TAOK1: variants seen among roughly 807,000 people sequenced by gnomAD.
The protein encoded by TAOK1 is serine/threonine-protein kinase TAO1.
In TAOK1, 21 loss-of-function variants were observed where a neutral mutation model predicts 138.3. The ratio of observed to expected loss-of-function variants is 0.15; its 90% CI spans 0.11 to 0.22. The LOEUF (loss-of-function observed/expected upper bound fraction) is 0.22. TAOK1 is among the 10% of genes least tolerant of loss of function. The pLI, the probability that TAOK1 is intolerant of heterozygous loss-of-function variation, is 1.00. For missense variants in TAOK1, 651 were observed against 1,227.7 expected (o/e 0.53, Z 7.02); for synonymous variants, 361 against 398.4 (o/e 0.91, Z 1.12).
At chr17:29,527,013 C>G (rs2032023470) in intron 17 of TAOK1, among the ~76,000 whole-genome samples, 1 of 152,032 alleles carries the variant, frequency 6.6e-6, no homozygotes. Flanking sequence ...GTAGTCCCAG[C>G]TACGCAGGAG....
At chr17:29,464,356 A>G in intron 2 of TAOK1, among the ~76,000 whole-genome samples, 1 of 151,346 alleles carries the variant, frequency 6.6e-6, no homozygotes, top group Non-Finnish European at 1.5e-5. Flanking sequence ...AGGCAGGAGA[A>G]TGGCATGAAC....
chr17:29,393,010 A>G (rs920343024), intron 1 of TAOK1, among the ~76,000 whole-genome samples: 2 of 152,116 alleles, frequency 1.3e-5, no homozygotes, highest in African/African-American at 2.4e-5. Context: ...TTCTCAGAAG[A>G]TGGAATTCTC....
chr17:29,508,693 T>C (rs1269595628), intron 14 of TAOK1, among the ~76,000 whole-genome samples: 2 of 152,170 alleles, frequency 1.3e-5, no homozygotes, highest in Admixed American at 6.6e-5. Context: ...CATTTTAATA[T>C]CAGAATGATT....
chr17:29,507,510 T>C (rs2031649489), intron 13 of TAOK1, among the ~76,000 whole-genome samples: 1 of 152,192 alleles, frequency 6.6e-6, no homozygotes, highest in South Asian at 2.1e-4. Flanking sequence ...CTAAAAACAC[T>C]ATCCTCTGAA....
intron 3 of TAOK1, among the ~76,000 whole-genome samples, chr17:29,469,954 G>A (rs576673403): frequency 6.6e-6 from 1 of 152,170 alleles, no homozygotes; most frequent in South Asian, 2.1e-4. Flanking sequence ...GCTGTGTTCT[G>A]TTAAGGCCTT....
chr17:29,534,985 C>T (rs2032199028), intron 19 of TAOK1, among the ~76,000 whole-genome samples: 3 of 148,058 alleles, frequency 2.0e-5, no homozygotes, highest in African/African-American at 5.1e-5. Context: ...GGGCGATGGA[C>T]AGAAGATTTT....
chr17:29,488,605 A>G (rs2031229734), intron 8 of TAOK1, among the ~76,000 whole-genome samples: 1 of 148,358 alleles, frequency 6.7e-6, no homozygotes, highest in Non-Finnish European at 1.5e-5. Flanking sequence ...AATAATAATA[A>G]TAATTGTTAA....
chr17:29,457,089 C>CTTTTTTTTTTTTTTTTTTTTTTTTTT (rs548221652), intron 2 of TAOK1, among the ~76,000 whole-genome samples: 1 of 107,408 alleles, frequency 9.3e-6, no homozygotes, highest in Non-Finnish European at 1.9e-5. Context: ...TTTTCTTTTT[C>CTTTTTTTTTTTTTTTTTTTTTTTTTT]TTTTTTTTTT....
rs1222998032 is a variant in TAOK1, at chr17:29,548,332, G to A, written c.*5310G>A. The stretch of plus-strand genomic sequence containing the variant: ...AAATAAAGGCAGAGAATTAAAACTG[G>A]GGAGCCATTTACTATGTCACCATCA... On this transcript the variant is annotated 3_prime_UTR_variant, in exon 20 of 20. Coordinates refer to ENST00000261716, the MANE Select transcript of TAOK1 (RefSeq NM_020791.4). 1 of 151,986 alleles carries A rather than the reference G, an allele frequency of 6.6e-6. No individual in the cohort carries two copies. Among genetic ancestry groups the A allele is most frequent in the African/African-American group, 2.4e-5 (1 of 41,402 alleles). The allele number at this position is 151,986 out of a possible 1,614,324, so 9.4% of individuals were successfully genotyped here.
chr17:29,419,379 A>G (rs1905357768), intron 1 of TAOK1, among the ~76,000 whole-genome samples: 1 of 151,992 alleles, frequency 6.6e-6, no homozygotes, highest in South Asian at 2.1e-4. Context: ...TATTTTTAAT[A>G]GAGACGGGGT....
rs2032472129 is a variant in TAOK1, at chr17:29,550,496, T to C, written c.*7474T>C. On this transcript the variant is annotated 3_prime_UTR_variant, in exon 20 of 20. Coordinates refer to ENST00000261716, the MANE Select transcript of TAOK1 (RefSeq NM_020791.4). ...CTTTCAGAACCCCCTTGTTTTAGTA[T>C]ATGAAAAAGCCTAATGCGCATTAAT... The C allele has an allele frequency of 6.6e-6, 1 of 152,182 alleles. No homozygotes were observed. 9.4% of individuals were successfully genotyped at this position (152,182 alleles called of 1,614,324 possible).
chr17:29,448,478 A>G (rs538977010), intron 1 of TAOK1, among the ~76,000 whole-genome samples: 64 of 152,192 alleles, frequency 4.2e-4, no homozygotes, highest in African/African-American at 1.5e-3. Context: ...ATAGACATAC[A>G]TGGGTTTGTT....
intron 16 of TAOK1, 120 bp from the exon 17 acceptor site, chr17:29,522,160 C>T: frequency 1.5e-6 from 2 of 1,292,664 alleles, no homozygotes; most frequent in Non-Finnish European, 2.1e-6. Flanking sequence ...ATTTACTATG[C>T]AACTATAATT....
rs577697923 is a variant in TAOK1 at position 29,423,588 on chromosome 17, A to G, written c.-94-27867A>G. On this transcript the variant is annotated intron_variant, in intron 1 of 19. Transcript: ENST00000261716. ...GTATTTCAATTCAGAATATTTTCCA[A>G]TTTCACTTTTATATTTCTCTATGAC... is the stretch of plus-strand genomic sequence containing the variant. Among the ~76,000 whole-genome samples, 53 of 152,050 alleles carry G rather than the reference A, an allele frequency of 3.5e-4. No homozygotes were observed. In the South Asian group the frequency reaches 3.9e-3, roughly 11 times the overall value.
At chr17:29,536,792 C>T (rs1214249853) in intron 19 of TAOK1, among the ~76,000 whole-genome samples, 4 of 150,362 alleles carry the variant, frequency 2.7e-5, no homozygotes, top group Non-Finnish European at 3.0e-5. Context: ...CTCCACCTCC[C>T]GGGTTTACGC....
chr17:29,539,392 A>G (rs1286811237), intron 19 of TAOK1, among the ~76,000 whole-genome samples: 1 of 152,210 alleles, frequency 6.6e-6, no homozygotes, highest in African/African-American at 2.4e-5. Flanking sequence ...AAAAATACAA[A>G]AAATTAGCTG....
chr17:29,447,447 C>T (rs2030113772), intron 1 of TAOK1, among the ~76,000 whole-genome samples: 1 of 152,070 alleles, frequency 6.6e-6, no homozygotes, highest in Admixed American at 6.6e-5. Flanking sequence ...TCTCCCACCT[C>T]AGCCTCCCGA....
intron 1 of TAOK1, among the ~76,000 whole-genome samples, chr17:29,410,632 T>G (rs1451290259): frequency 1.3e-5 from 2 of 149,918 alleles, no homozygotes; most frequent in Non-Finnish European, 3.0e-5. Context: ...TTTTTTTTTT[T>G]TGGTTTTTTT....
In TAOK1 at chr17:29,473,740, T is replaced by C. The variant is rs193168408; in HGVS notation, c.205-1930T>C. 2.5e-3 allele frequency among the ~76,000 whole-genome samples: 373 copies of C among 152,188 alleles called. 3 individuals are homozygous for C. Among genetic ancestry groups the C allele is most frequent in the African/African-American group, 8.1e-3 (335 of 41,524 alleles). On this transcript the variant is annotated intron_variant, in intron 3 of 19. Transcript: ENST00000261716. ...CTTTTCTTTCTTTCTTTTTCTTTTTTTTTTGAGACAGAGTCTCTCTCTGTT... is the reference window on the plus strand; with the variant it reads ...CTTTTCTTTCTTTCTTTTTCTTTTTCTTTTGAGACAGAGTCTCTCTCTGTT...
Sources: allele counts gnomAD v4.1 joint callset (sites outside exome capture counted in the v4.1 genomes callset), GRCh38; gene constraint gnomAD v4.1.1; transcripts MANE v1.5; gene names NCBI Gene and HGNC (gene_info 2026-07-23, HGNC 2026-07-21).